Variants in NDUFV2 observed in about 807,000 individuals in gnomAD.
The protein encoded by NDUFV2 is NADH:ubiquinone oxidoreductase core subunit V2, also known as NADH dehydrogenase [ubiquinone] flavoprotein 2, mitochondrial.
In NDUFV2, 18 loss-of-function variants were observed where a neutral mutation model predicts 31.6. The ratio of observed to expected loss-of-function variants is 0.57; its 90% CI spans 0.39 to 0.84. The LOEUF is 0.84. Among genes scored for constraint, NDUFV2 ranks in the 40% least tolerant of loss-of-function variants. The pLI, the probability that NDUFV2 is intolerant of heterozygous loss-of-function variation, is 0.00. For missense variants in NDUFV2, 314 were observed against 303.6 expected (o/e 1.03, Z -0.26); for synonymous variants, 83 against 99.8 (o/e 0.83, Z 1.01).
intron 1 of NDUFV2, among the ~76,000 whole-genome samples, chr18:9,114,374 T>C (rs1251245320): frequency 6.6e-6 from 1 of 151,434 alleles, no homozygotes; most frequent in African/African-American, 2.4e-5. Flanking sequence ...TGACAGTAAC[T>C]CTTTGATAAA....
In NDUFV2 at chr18:9,108,128, T is replaced by C. The variant is rs1215595833; in HGVS notation, c.54+5331T>C. Among the ~76,000 whole-genome samples, 2 of 152,244 alleles carry C rather than the reference T, an allele frequency of 1.3e-5. 1 individual carries two copies. Among genetic ancestry groups the C allele is most frequent in the Middle Eastern group, 6.3e-3 (2 of 316 alleles). On this transcript the variant is annotated intron_variant, in intron 1 of 7. Transcript: ENST00000318388. The stretch of plus-strand genomic sequence containing the variant: ...ATATGGTCAAGATGGCTGGAATCAT[T>C]AATGCTGTTATCTTAATCTGTAATG...
At chr18:9,120,620 A>G (rs1364747896) in intron 4 of NDUFV2, among the ~76,000 whole-genome samples, 1 of 152,092 alleles carries the variant, frequency 6.6e-6, no homozygotes, top group Non-Finnish European at 1.5e-5. Flanking sequence ...CAAATTTTAG[A>G]TTTAGTTTAT....
intron 1 of NDUFV2, chr18:9,112,580 T>G (rs1416062206): frequency 6.6e-6 from 1 of 152,108 alleles, no homozygotes; most frequent in Non-Finnish European, 1.5e-5. Context: ...CCTCCCAGGT[T>G]CAGGCGATTC....
At chr18:9,104,156 A>T (rs1436013706) in intron 1 of NDUFV2, 2 of 1,612,818 alleles carry the variant, frequency 1.2e-6, no homozygotes, top group African/African-American at 2.7e-5. Context: ...CTAGGTGGAA[A>T]GGACAACTTA....
At chr18:9,108,689 A>ATTT (rs11291545) in intron 1 of NDUFV2, among the ~76,000 whole-genome samples, 11 of 123,016 alleles carry the variant, frequency 8.9e-5, no homozygotes, top group Non-Finnish European at 1.4e-4. Context: ...TTTTCATGGA[A>ATTT]TTTTTTTTTT....
At position 9,124,679 on chromosome 18, in the gene NDUFV2, A is replaced by G. The variant is rs552646375; in HGVS notation, c.470-195A>G. Reference sequence around the variant, plus strand: ...TAGCCAGGATGGTCTAGATCTCCTGACCTCGTGATCTGCCCACCCCAGCCT... The same window carrying G: ...TAGCCAGGATGGTCTAGATCTCCTGGCCTCGTGATCTGCCCACCCCAGCCT... On this transcript the variant is annotated intron_variant, in intron 5 of 7. Coordinates refer to ENST00000318388, the MANE Select transcript of NDUFV2 (RefSeq NM_021074.5). 1.1e-3 allele frequency among the ~76,000 whole-genome samples: 163 copies of G among 149,974 alleles called. 2 individuals carry two copies. The highest frequency in any genetic ancestry group is 3.9e-3 in the African/African-American group (157 of 40,654).
At chr18:9,124,840 A>C in intron 5 of NDUFV2, 34 bp from the exon 6 acceptor site, 1 of 1,589,208 alleles carries the variant, frequency 6.3e-7, no homozygotes, top group Non-Finnish European at 8.6e-7. Context: ...TTAAAATATA[A>C]CCTGGTCCTT....
intron 5 of NDUFV2, among the ~76,000 whole-genome samples, chr18:9,123,963 C>G (rs769268512): frequency 5.8e-4 from 88 of 152,212 alleles, no homozygotes; most frequent in Non-Finnish European, 5.3e-4. Flanking sequence ...TTCTTCACAT[C>G]CCTTGATAAT....
chr18:9,121,737 T>C (rs1483167001), intron 4 of NDUFV2, among the ~76,000 whole-genome samples: 3 of 152,198 alleles, frequency 2.0e-5, no homozygotes. Flanking sequence ...AAATCCTCGT[T>C]TTCCCTAACA....
rs2077907138 is a variant in NDUFV2, at chr18:9,117,895, T to A, written c.112T>A (p.Leu38Ile). The part of the protein sequence containing the change: ...TVMQNGAGGA[L>I]FVHRDTPENN... ...TATGCAAAATGGAGCTGGAGGAGCT[T>A]TATTTGTGGTAAGTAATTACTTAGA... Residue 38 changes from leucine to isoleucine, a missense_variant, in exon 2 of 8, where the codon TTA (leucine) becomes ATA (isoleucine). Coordinates refer to ENST00000318388, the MANE Select transcript of NDUFV2 (RefSeq NM_021074.5). 6.3e-7 allele frequency: 1 copy of A among 1,588,228 alleles called. No individual in the cohort carries two copies. Among genetic ancestry groups the A allele is most frequent in the East Asian group, 2.2e-5 (1 of 44,662 alleles).
intron 5 of NDUFV2, 144 bp downstream of exon 5, chr18:9,122,825 A>C (rs2077950271): frequency 6.2e-6 from 5 of 800,184 alleles, no homozygotes; most frequent in South Asian, 1.6e-5. Flanking sequence ...CTGTGTTTCC[A>C]CATCTTTATT....
chr18:9,132,167 A>G (rs2078045787), intron 7 of NDUFV2: 1 of 152,204 alleles, frequency 6.6e-6, no homozygotes, highest in South Asian at 2.1e-4. Context: ...TTATTTTTAA[A>G]ATTACTTCCA....
At chr18:9,120,101 A>T (rs1047459323) in intron 4 of NDUFV2, among the ~76,000 whole-genome samples, 1 of 152,164 alleles carries the variant, frequency 6.6e-6, no homozygotes, top group Non-Finnish European at 1.5e-5. Flanking sequence ...ATTTTATTCA[A>T]AGTTACTCTA....
intron 1 of NDUFV2, among the ~76,000 whole-genome samples, chr18:9,106,326 G>C (rs2077841851): frequency 6.6e-6 from 1 of 152,132 alleles, no homozygotes; most frequent in East Asian, 1.9e-4. Flanking sequence ...TATGAATGTA[G>C]ACTCCCCTTC....
chr18:9,127,380 T>G (rs914958610), intron 7 of NDUFV2, among the ~76,000 whole-genome samples: 2 of 152,248 alleles, frequency 1.3e-5, no homozygotes, highest in Non-Finnish European at 2.9e-5. Flanking sequence ...ATAGCTTTGG[T>G]CTCCCTCTGT....
At chr18:9,128,799 C>T (rs1176526073) in intron 7 of NDUFV2, among the ~76,000 whole-genome samples, 3 of 152,186 alleles carry the variant, frequency 2.0e-5, no homozygotes, top group Non-Finnish European at 4.4e-5. Context: ...TAACTTCTTT[C>T]ACCTTTTGGG....
At chr18:9,119,271 T>A in intron 2 of NDUFV2, 55 bp from the exon 3 acceptor site, 1 of 1,304,488 alleles carries the variant, frequency 7.7e-7, no homozygotes, top group Non-Finnish European at 1.1e-6. Flanking sequence ...ATGTACAGTG[T>A]CATTCACACT....
At chr18:9,128,435 T>C (rs1056496201) in intron 7 of NDUFV2, among the ~76,000 whole-genome samples, 1 of 152,222 alleles carries the variant, frequency 6.6e-6, no homozygotes, top group East Asian at 1.9e-4. Context: ...AAGAAACGTA[T>C]ACTGTTCTTA....
rs368515386 is a variant in NDUFV2 at position 9,119,525 on chromosome 18, G to C, written c.235G>C (p.Val79Leu). Residue 79 changes from valine (V) to leucine (L), a missense_variant, in exon 4 of 8, where the codon GTT becomes CTT. Val to Leu is a conservative substitution (Grantham distance 32). Coordinates refer to ENST00000318388, the MANE Select transcript of NDUFV2 (RefSeq NM_021074.5). ...TCCAGAAGGCCATAAAGCAGCAGCT[G>C]TTCTTCCAGTCCTGGATTTAGCCCA... ...NYPEGHKAAA[V>L]LPVLDLAQRQ... 1 of 1,613,770 alleles carries C rather than the reference G, an allele frequency of 6.2e-7. No individual in the cohort carries two copies. The highest frequency in any genetic ancestry group is 8.5e-7 in the Non-Finnish European group (1 of 1,179,896).
Sources: allele counts gnomAD v4.1 joint callset (sites outside exome capture counted in the v4.1 genomes callset), GRCh38; gene constraint gnomAD v4.1.1; transcripts MANE v1.5; gene names NCBI Gene and HGNC (gene_info 2026-07-23, HGNC 2026-07-21).